The following DNAJC3 variants were observed in gnomAD, a reference collection of about 807,000 sequenced individuals.
The protein encoded by DNAJC3 is dnaJ homolog subfamily C member 3.
DNAJC3 carries 38 observed loss-of-function variants against 68.6 expected under a neutral mutation model. That is an observed-to-expected ratio of 0.55 (90% CI 0.43 to 0.73). The LOEUF is 0.73. Ranked by LOEUF, DNAJC3 falls within the 30% of genes least tolerant of loss-of-function variation. The probability of loss-of-function intolerance (pLI) is 0.00; values close to 1 mark genes in which losing one functional copy is unlikely to be tolerated. For missense variants in DNAJC3, 526 were observed against 591.9 expected, an observed-to-expected ratio of 0.89 and a Z score of 1.16; for synonymous variants, 203 against 204.0, an observed-to-expected ratio of 1.00 and a Z score of 0.04.
At chr13:95,696,369 G>A (rs554511478) in intron 1 of DNAJC3, among the ~76,000 whole-genome samples, 2 of 152,036 alleles carry the variant, frequency 1.3e-5, no homozygotes, top group Non-Finnish European at 2.9e-5. Context: ...ACTGTACCTG[G>A]CATCTGGTTC....
chr13:95,760,319 A>G (rs573743618), intron 6 of DNAJC3, 98 bp downstream of exon 6: 3 of 1,109,520 alleles, frequency 2.7e-6, no homozygotes, highest in East Asian at 2.8e-5. Flanking sequence ...TAATAAGATG[A>G]TGGTAGTTAA....
At chr13:95,770,788 T>C (rs2139683928) in intron 9 of DNAJC3, among the ~76,000 whole-genome samples, 1 of 152,356 alleles carries the variant, frequency 6.6e-6, no homozygotes, top group South Asian at 2.1e-4. Context: ...CTCGTACACT[T>C]CTGGGCTCAT....
intron 9 of DNAJC3, among the ~76,000 whole-genome samples, chr13:95,765,382 A>G (rs1184478688): frequency 6.6e-6 from 1 of 150,836 alleles, no homozygotes; most frequent in African/African-American, 2.5e-5. Flanking sequence ...TAGAGAAGCT[A>G]CAGAAGAATA....
At position 95,791,965 on chromosome 13, in the gene DNAJC3, T is replaced by G. The variant is rs1405377073; in HGVS notation, c.*935T>G. On this transcript the variant is annotated 3_prime_UTR_variant, in exon 12 of 12. Coordinates refer to ENST00000602402, the MANE Select transcript of DNAJC3 (RefSeq NM_006260.5). ...TACAGAATGCCATGTTCTCCACTTC[T>G]AAGTAAAGACAGTGGGCAGCTTCTG... 1 of 152,230 alleles carries G rather than the reference T, an allele frequency of 6.6e-6. No homozygotes were observed. Among genetic ancestry groups the G allele is most frequent in the Non-Finnish European group, 1.5e-5 (1 of 68,042 alleles). The allele number at this position is 152,230 out of a possible 1,614,324, so 9.4% of individuals were successfully genotyped here.
At chr13:95,758,981 A>G (rs1205229738) in intron 5 of DNAJC3, among the ~76,000 whole-genome samples, 1 of 152,194 alleles carries the variant, frequency 6.6e-6, no homozygotes, top group East Asian at 1.9e-4. Context: ...ACATTCCCAT[A>G]GACTATCCAT....
chr13:95,677,421 C>G, intron 1 of DNAJC3, 84 bp downstream of exon 1: 1 of 1,410,084 alleles, frequency 7.1e-7, no homozygotes, highest in South Asian at 1.3e-5. Context: ...GGCGCCTGTC[C>G]CGGAGCGGCT....
At chr13:95,754,616 G>C (rs942251756) in intron 4 of DNAJC3, among the ~76,000 whole-genome samples, 1 of 152,162 alleles carries the variant, frequency 6.6e-6, no homozygotes, top group Non-Finnish European at 1.5e-5. Flanking sequence ...GGAGGCCAAG[G>C]TGGGAGGATC....
At chr13:95,764,673 T>TATAC (rs1380835328) in intron 9 of DNAJC3, among the ~76,000 whole-genome samples, 1 of 122,802 alleles carries the variant, frequency 8.1e-6, no homozygotes, top group Non-Finnish European at 1.6e-5. Flanking sequence ...TATATATATA[T>TATAC]ATATATATAT....
chr13:95,729,865 GCTGACTTCTTTCAGTT>G (rs1414394811), intron 4 of DNAJC3, among the ~76,000 whole-genome samples: 1 of 152,094 alleles, frequency 6.6e-6, no homozygotes, highest in Non-Finnish European at 1.5e-5. Flanking sequence ...TTTTCTTACT[GCTGACTTCTTTCAGTT>G]CCTTGTATAT....
chr13:95,693,360 A>G (rs1880333831), intron 1 of DNAJC3: 1 of 152,192 alleles, frequency 6.6e-6, no homozygotes, highest in South Asian at 2.1e-4. Flanking sequence ...AGCCCTTTCT[A>G]GTACTCTTAT....
intron 1 of DNAJC3, among the ~76,000 whole-genome samples, chr13:95,689,024 TC>T (rs1880152642): frequency 6.6e-6 from 1 of 151,798 alleles, no homozygotes; most frequent in Admixed American, 6.6e-5. Context: ...TCTATTTTCA[TC>T]AGGGATATTG....
At chr13:95,681,899 C>A (rs1350973150) in intron 1 of DNAJC3, among the ~76,000 whole-genome samples, 1 of 152,194 alleles carries the variant, frequency 6.6e-6, no homozygotes, top group Admixed American at 6.5e-5. Flanking sequence ...TCAAAATTCA[C>A]TAGCTTATCT....
intron 1 of DNAJC3, among the ~76,000 whole-genome samples, chr13:95,700,343 C>G (rs1450666528): frequency 6.6e-6 from 1 of 152,100 alleles, no homozygotes; most frequent in Non-Finnish European, 1.5e-5. Flanking sequence ...TGTAGTTTCT[C>G]GAACTAACCA....
intron 5 of DNAJC3, among the ~76,000 whole-genome samples, chr13:95,759,507 T>A (rs998428285): frequency 2.0e-5 from 3 of 152,132 alleles, no homozygotes. Context: ...AGAGATGAGA[T>A]CTTGCTTTGC....
intron 4 of DNAJC3, among the ~76,000 whole-genome samples, chr13:95,731,798 A>G (rs1000997620): frequency 6.6e-6 from 1 of 151,868 alleles, no homozygotes; most frequent in African/African-American, 2.4e-5. Context: ...GCAGTGGTGC[A>G]GACATGACTC....
chr13:95,755,169 G>A (rs762640561), intron 4 of DNAJC3, among the ~76,000 whole-genome samples: 1 of 152,182 alleles, frequency 6.6e-6, no homozygotes, highest in East Asian at 1.9e-4. Flanking sequence ...CATCTCAGAC[G>A]GGCACAGTGG....
At chr13:95,691,459 C>T (rs887652017) in intron 1 of DNAJC3, among the ~76,000 whole-genome samples, 8 of 150,738 alleles carry the variant, frequency 5.3e-5, no homozygotes, top group South Asian at 2.1e-4. Flanking sequence ...AGACGATGGG[C>T]GGCCGGGCAG....
intron 9 of DNAJC3, among the ~76,000 whole-genome samples, chr13:95,765,254 C>T (rs1422624952): frequency 2.0e-5 from 3 of 152,010 alleles, no homozygotes; most frequent in Non-Finnish European, 4.4e-5. Flanking sequence ...TTTGAGCTAC[C>T]GTGTCTACTC....
At chr13:95,690,405 A>G (rs1880196794) in intron 1 of DNAJC3, among the ~76,000 whole-genome samples, 1 of 151,158 alleles carries the variant, frequency 6.6e-6, no homozygotes, top group South Asian at 2.1e-4. Context: ...AGACACGGCA[A>G]CCATCCGATT....
Sources: allele counts gnomAD v4.1 joint callset (sites outside exome capture counted in the v4.1 genomes callset), GRCh38; gene constraint gnomAD v4.1.1; transcripts MANE v1.5; gene names NCBI Gene and HGNC (gene_info 2026-07-23, HGNC 2026-07-21).